Variants in CPED1 observed in about 807,000 individuals in gnomAD.
CPED1 encodes cadherin-like and PC-esterase domain-containing protein 1.
CPED1 carries 114 observed loss-of-function variants against 128.2 expected under a neutral mutation model. That is an observed-to-expected ratio of 0.89 (90% CI 0.76 to 1.04). CPED1 has a LOEUF of 1.04. CPED1 is among the 50% of genes least tolerant of loss of function. The pLI is 0.00. For missense variants in CPED1, 1,211 were observed against 1,207.1 expected, an observed-to-expected ratio of 1.00 and a Z score of -0.05; for synonymous variants, 462 against 426.7, an observed-to-expected ratio of 1.08 and a Z score of -1.02.
intron 12 of CPED1, among the ~76,000 whole-genome samples, chr7:121,130,760 T>A (rs1467040968): frequency 6.6e-6 from 1 of 152,110 alleles, no homozygotes; most frequent in African/African-American, 2.4e-5. Flanking sequence ...TTTGTCACAA[T>A]TGATTCCTAT....
In CPED1 at chr7:121,058,954, G is replaced by T. The variant is rs1406049050; in HGVS notation, c.541-5284G>T. Among the ~76,000 whole-genome samples, 3 of 152,202 alleles carry T rather than the reference G, an allele frequency of 2.0e-5. No individual in the cohort carries two copies. In the East Asian group the frequency reaches 5.8e-4, roughly 29 times the overall value. Reference sequence around the variant, plus strand: ...ATCCCATTAGAGCTTCATAATTTTAGAGCTTAATGAAAATGGTCATAAGAT... The same window carrying T: ...ATCCCATTAGAGCTTCATAATTTTATAGCTTAATGAAAATGGTCATAAGAT... On this transcript the variant is annotated intron_variant, in intron 4 of 22. Coordinates refer to ENST00000310396, the MANE Select transcript of CPED1 (RefSeq NM_024913.5).
At chr7:121,256,291 C>T (rs982282602) in intron 18 of CPED1, among the ~76,000 whole-genome samples, 1 of 151,966 alleles carries the variant, frequency 6.6e-6, no homozygotes, top group Non-Finnish European at 1.5e-5. Context: ...TATCTACAAC[C>T]ATCTGATCTT....
intron 16 of CPED1, among the ~76,000 whole-genome samples, chr7:121,199,797 T>G (rs1286205833): frequency 6.6e-6 from 1 of 151,482 alleles, no homozygotes; most frequent in Non-Finnish European, 1.5e-5. Flanking sequence ...GTGAACCACA[T>G]ACGTAATTTT....
intron 5 of CPED1, chr7:121,083,855 T>C (rs1325511890): frequency 6.6e-6 from 1 of 152,228 alleles, no homozygotes; most frequent in Non-Finnish European, 1.5e-5. Context: ...GTAGGGATGA[T>C]CAGGACTCTG....
At chr7:121,040,111 A>G (rs1219558834) in intron 3 of CPED1, among the ~76,000 whole-genome samples, 1 of 152,062 alleles carries the variant, frequency 6.6e-6, no homozygotes, top group Non-Finnish European at 1.5e-5. Context: ...CATTTTCATT[A>G]ACCCTTAAAG....
At chr7:121,111,625 G>A (rs1331551371) in intron 7 of CPED1, among the ~76,000 whole-genome samples, 1 of 152,174 alleles carries the variant, frequency 6.6e-6, no homozygotes, top group Non-Finnish European at 1.5e-5. Flanking sequence ...GTTTGGGATG[G>A]AAGCCAGAGT....
At chr7:121,176,719 G>T (rs576456575) in intron 16 of CPED1, among the ~76,000 whole-genome samples, 1 of 152,144 alleles carries the variant, frequency 6.6e-6, no homozygotes, top group African/African-American at 2.4e-5. Context: ...AACAGATTTG[G>T]TTTAGAAAGA....
intron 3 of CPED1, among the ~76,000 whole-genome samples, chr7:121,040,225 A>G (rs1793014062): frequency 6.6e-6 from 1 of 152,134 alleles, no homozygotes; most frequent in African/African-American, 2.4e-5. Flanking sequence ...TAGTTCATTC[A>G]GGATCTCAAG....
At chr7:121,117,711 A>G (rs568798035) in intron 7 of CPED1, among the ~76,000 whole-genome samples, 6 of 152,216 alleles carry the variant, frequency 3.9e-5, no homozygotes. Flanking sequence ...AGGCACATGG[A>G]CAATTTTGAG....
At chr7:121,006,504 G>T (rs79261514) in intron 2 of CPED1, among the ~76,000 whole-genome samples, 1,742 of 152,056 alleles carry the variant, frequency 0.011, 30 homozygotes, top group African/African-American at 0.039. Context: ...GATAGGGGAA[G>T]AGTCTAAGGA....
At chr7:120,998,638 A>G (rs1796450651) in intron 2 of CPED1, among the ~76,000 whole-genome samples, 1 of 152,206 alleles carries the variant, frequency 6.6e-6, no homozygotes, top group South Asian at 2.1e-4. Flanking sequence ...TCTTTGGATA[A>G]GAAATGTCTG....
chr7:121,198,147 G>A (rs1797311474), intron 16 of CPED1, among the ~76,000 whole-genome samples: 1 of 152,048 alleles, frequency 6.6e-6, no homozygotes, highest in Admixed American at 6.6e-5. Flanking sequence ...GAAAGACAAG[G>A]TGGTGTCAGC....
At chr7:121,026,482 C>A (rs1173028481) in intron 3 of CPED1, among the ~76,000 whole-genome samples, 1 of 152,086 alleles carries the variant, frequency 6.6e-6, no homozygotes, top group African/African-American at 2.4e-5. Flanking sequence ...ATTAGGCATT[C>A]AATACTTCCC....
intron 17 of CPED1, among the ~76,000 whole-genome samples, chr7:121,239,429 G>A (rs1798336809): frequency 6.6e-6 from 1 of 151,732 alleles, no homozygotes; most frequent in African/African-American, 2.4e-5. Flanking sequence ...GCTTAAGAAA[G>A]AAAAAATAAT....
chr7:121,169,261 C>T (rs1796598982), intron 16 of CPED1, among the ~76,000 whole-genome samples: 1 of 151,612 alleles, frequency 6.6e-6, no homozygotes, highest in African/African-American at 2.4e-5. Context: ...ATTCATAAGA[C>T]AGTATTAAAA....
intron 16 of CPED1, among the ~76,000 whole-genome samples, chr7:121,157,080 C>T (rs1125447): frequency 2.6e-5 from 4 of 151,928 alleles, no homozygotes; most frequent in Non-Finnish European, 4.4e-5. Context: ...GAGATTCAAA[C>T]GTTATACTTG....
At chr7:121,244,092 G>A (rs1003675902) in intron 17 of CPED1, 110 bp from the exon 18 acceptor site, 82 of 1,254,794 alleles carry the variant, frequency 6.5e-5, no homozygotes, top group Admixed American at 8.4e-5. Flanking sequence ...AAAGGATAAG[G>A]ATGGTCTTAC....
At chr7:121,017,066 T>C (rs1233233946) in intron 3 of CPED1, among the ~76,000 whole-genome samples, 1 of 152,192 alleles carries the variant, frequency 6.6e-6, no homozygotes, top group East Asian at 1.9e-4. Flanking sequence ...CTTTATCACA[T>C]TGGCAGTGAA....
At chr7:121,048,259 A>G (rs1390707431) in intron 4 of CPED1, among the ~76,000 whole-genome samples, 1 of 152,174 alleles carries the variant, frequency 6.6e-6, no homozygotes, top group East Asian at 1.9e-4. Context: ...TGTCCCACAG[A>G]CATATCAAAC....
Sources: allele counts gnomAD v4.1 joint callset (sites outside exome capture counted in the v4.1 genomes callset), GRCh38; gene constraint gnomAD v4.1.1; transcripts MANE v1.5; gene names NCBI Gene and HGNC (gene_info 2026-07-23, HGNC 2026-07-21).